The following AP2M1 variants were observed in gnomAD, a reference collection of about 807,000 sequenced individuals.
The protein encoded by AP2M1 is adaptor related protein complex 2 subunit mu 1.
In AP2M1, 5 loss-of-function variants were observed where a neutral mutation model predicts 54.5. The ratio of observed to expected loss-of-function variants is 0.09; its 90% CI spans 0.05 to 0.19. The LOEUF is 0.19. Among genes scored for constraint, AP2M1 ranks in the 10% least tolerant of loss-of-function variants. AP2M1 has a pLI of 1.00. For missense variants in AP2M1, 178 were observed against 580.2 expected, an observed-to-expected ratio of 0.31 and a Z score of 7.12; for synonymous variants, 186 against 208.2, an observed-to-expected ratio of 0.89 and a Z score of 0.92.
chr3:184,176,846 TAA>T (rs1715089376), intron 1 of AP2M1, 103 bp from the exon 2 acceptor site: 2 of 736,846 alleles, frequency 2.7e-6, no homozygotes, highest in Non-Finnish European at 4.2e-6. Flanking sequence ...GGTCACTTAC[TAA>T]AGGGTTGAGT....
At position 184,180,551 on chromosome 3, in the gene AP2M1, C is replaced by T; in HGVS notation, c.424-94C>T. On this transcript the variant is annotated intron_variant, in intron 4 of 11. Coordinates refer to ENST00000292807, the MANE Select transcript of AP2M1 (RefSeq NM_004068.4). The surrounding 1 kb of genome is among the most constrained non-coding windows in gnomAD (Gnocchi z 4.9). ...TCCTCAGGAGGAGCGAGCTTGGGCCCTCTCCTCTAGGATCCAAGCCTCATA... is the reference window on the plus strand; with the variant it reads ...TCCTCAGGAGGAGCGAGCTTGGGCCTTCTCCTCTAGGATCCAAGCCTCATA... 1 of 1,597,496 alleles carries T rather than the reference C, an allele frequency of 6.3e-7. No individual in the cohort carries two copies.
Position 184,181,512 on chromosome 3 carries a change from C to A in AP2M1, c.708-184C>A. 1.1e-6 allele frequency: 1 copy of A among 896,678 alleles called. No individual in the cohort carries two copies. The allele number at this position is 896,678 out of a possible 1,614,324, so 55.5% of individuals were successfully genotyped here. ...ACACCCAGGTCCCTAGCAGAAGGAGCCCCAAGAGATGAGCTTGCAAGGCTT... is the reference window on the plus strand; with the variant it reads ...ACACCCAGGTCCCTAGCAGAAGGAGACCCAAGAGATGAGCTTGCAAGGCTT... On this transcript the variant is annotated intron_variant, in intron 7 of 11. Transcript: ENST00000292807. This position sits in a 1 kb window ranked among gnomAD's most constrained non-coding sequence, Gnocchi z 5.7.
rs765534648 is a variant in AP2M1 at position 184,182,104 on chromosome 3, T to C, written c.964-47T>C. 3 of 1,611,664 alleles carry C rather than the reference T, an allele frequency of 1.9e-6. No homozygotes were observed. Among genetic ancestry groups the C allele is most frequent in the East Asian group, 2.2e-5 (1 of 44,790 alleles). On this transcript the variant is annotated intron_variant, in intron 9 of 11. Transcript: ENST00000292807. This position sits in a 1 kb window ranked among gnomAD's most constrained non-coding sequence, Gnocchi z 5.5. ...ACTTGTCCCTAGGAATAAAGGTAGC[T>C]GATGTCACAGCTTGACAGAGCTCCC...
At position 184,181,588 on chromosome 3, in the gene AP2M1, C is replaced by A; in HGVS notation, c.708-108C>A. The stretch of plus-strand genomic sequence containing the variant: ...GACCTCCGAGTCACAAAGCTGCATT[C>A]TAGCAGCTTTTCATAGTCTCTGGTG... On this transcript the variant is annotated intron_variant, in intron 7 of 11. Coordinates refer to ENST00000292807, the MANE Select transcript of AP2M1 (RefSeq NM_004068.4). The surrounding 1 kb of genome is among the most constrained non-coding windows in gnomAD (Gnocchi z 5.7). 6.9e-7 allele frequency: 1 copy of A among 1,441,894 alleles called. No homozygotes were observed. The allele number at this position is 1,441,894 out of a possible 1,614,324, so 89.3% of individuals were successfully genotyped here. A position where few individuals can be genotyped will look rare whatever the true frequency, so the allele number is the denominator to read the frequency against.
Position 184,180,742 on chromosome 3 carries a change from G to A in AP2M1, c.429+92G>A, listed in dbSNP as rs1049690724. 6.2e-7 allele frequency: 1 copy of A among 1,614,168 alleles called. No individual in the cohort carries two copies. The highest frequency in any genetic ancestry group is 8.5e-7 in the Non-Finnish European group (1 of 1,179,990). ...GCTTATAGGGGAAAATGGATTACAG[G>A]TGGGGACTAGAAGGGATGGGGAATG... On this transcript the variant is annotated intron_variant, in intron 5 of 11. Coordinates refer to ENST00000292807, the MANE Select transcript of AP2M1 (RefSeq NM_004068.4). The surrounding 1 kb of genome is among the most constrained non-coding windows in gnomAD (Gnocchi z 4.9).
At position 184,178,105 on chromosome 3, in the gene AP2M1, C is replaced by T. The variant is rs115346053; in HGVS notation, c.75-752C>T. The T allele has an allele frequency of 9.5e-4, 1,251 of 1,313,014 alleles. 1 individual carries two copies. Among genetic ancestry groups the T allele is most frequent in the Non-Finnish European group, 1.1e-3 (1,045 of 944,616 alleles). The allele number at this position is 1,313,014 out of a possible 1,614,324, so 81.3% of individuals were successfully genotyped here. On this transcript the variant is annotated intron_variant, in intron 2 of 11. Transcript: ENST00000292807. This position sits in a 1 kb window ranked among gnomAD's most constrained non-coding sequence, Gnocchi z 4.9. ...GCCTGTCTTGTCTGCTTCTGCCTCACGGTGTGTGCCGCCCTCCCGGTGTGT... is the reference window on the plus strand; with the variant it reads ...GCCTGTCTTGTCTGCTTCTGCCTCATGGTGTGTGCCGCCCTCCCGGTGTGT...
rs527296174 is a variant in AP2M1, at chr3:184,180,013, C to T, written c.341-156C>T. On this transcript the variant is annotated intron_variant, in intron 3 of 11. Transcript: ENST00000292807. The surrounding 1 kb of genome is among the most constrained non-coding windows in gnomAD (Gnocchi z 4.9). Reference sequence around the variant, plus strand: ...ACATTTGAATTGTTTTCCTGTAAAGCACAAATCACAGAATAAATGCTACAA... The same window carrying T: ...ACATTTGAATTGTTTTCCTGTAAAGTACAAATCACAGAATAAATGCTACAA... 2.9e-6 allele frequency: 2 copies of T among 685,754 alleles called. No individual in the cohort carries two copies. Among genetic ancestry groups the T allele is most frequent in the Non-Finnish European group, 5.0e-6 (2 of 403,550 alleles). 42.5% of individuals were successfully genotyped at this position (685,754 alleles called of 1,614,324 possible).
At position 184,181,371 on chromosome 3, in the gene AP2M1, A is replaced by C; in HGVS notation, c.707+145A>C. ...CGGTAAGCCTGGCTGTTCGCTCTTGACATTAGTGCTACGAGAGATGAGGGG... is the reference window on the plus strand; with the variant it reads ...CGGTAAGCCTGGCTGTTCGCTCTTGCCATTAGTGCTACGAGAGATGAGGGG... On this transcript the variant is annotated intron_variant, in intron 7 of 11. Coordinates refer to ENST00000292807, the MANE Select transcript of AP2M1 (RefSeq NM_004068.4). The surrounding 1 kb of genome is among the most constrained non-coding windows in gnomAD (Gnocchi z 5.7). 1 of 1,258,110 alleles carries C rather than the reference A, an allele frequency of 7.9e-7. No homozygotes were observed. The highest frequency in any genetic ancestry group is 1.1e-6 in the Non-Finnish European group (1 of 897,642). 77.9% of individuals were successfully genotyped at this position (1,258,110 alleles called of 1,614,324 possible).
Position 184,181,302 on chromosome 3 carries a change from C to T in AP2M1, c.707+76C>T. ...GTGGGGTCTAGTGAACCACAAGTTT[C>T]TTCTGGATTTCATTCCCACTGTAAT... On this transcript the variant is annotated intron_variant, in intron 7 of 11. Coordinates refer to ENST00000292807, the MANE Select transcript of AP2M1 (RefSeq NM_004068.4). The surrounding 1 kb of genome is among the most constrained non-coding windows in gnomAD (Gnocchi z 5.7). The T allele has an allele frequency of 6.3e-7, 1 of 1,587,578 alleles. No individual in the cohort carries two copies. The highest frequency in any genetic ancestry group is 8.6e-7 in the Non-Finnish European group (1 of 1,163,962).
chr3:184,180,698 C>T lies in AP2M1; in HGVS notation c.429+48C>T. ...ACCCTTGCAGCTTTGCTTTGTTTCT[C>T]CAGGCCCTGCCCTTTGGGGCTTATA... On this transcript the variant is annotated intron_variant, in intron 5 of 11. Coordinates refer to ENST00000292807, the MANE Select transcript of AP2M1 (RefSeq NM_004068.4). This position sits in a 1 kb window ranked among gnomAD's most constrained non-coding sequence, Gnocchi z 4.9. 1 of 1,614,258 alleles carries T rather than the reference C, an allele frequency of 6.2e-7. No individual in the cohort carries two copies.
In AP2M1 at chr3:184,181,670, G is replaced by C; in HGVS notation, c.708-26G>C. ...ACAGCTGTCATTCTCCTGTACCAAT[G>C]AGACCTCTTCTGCCCCTGCTTGCAG... On this transcript the variant is annotated intron_variant, in intron 7 of 11. Coordinates refer to ENST00000292807, the MANE Select transcript of AP2M1 (RefSeq NM_004068.4). This position sits in a 1 kb window ranked among gnomAD's most constrained non-coding sequence, Gnocchi z 5.7. 1 of 1,612,996 alleles carries C rather than the reference G, an allele frequency of 6.2e-7. No homozygotes were observed. The highest frequency in any genetic ancestry group is 8.5e-7 in the Non-Finnish European group (1 of 1,179,750).
In AP2M1 at chr3:184,179,109, T is replaced by C; in HGVS notation, c.327T>C (p.Tyr109=). 5 of 1,611,866 alleles carry C rather than the reference T, an allele frequency of 3.1e-6. No homozygotes were observed. Among genetic ancestry groups the C allele is most frequent in the Non-Finnish European group, 4.2e-6 (5 of 1,178,100 alleles). ...TCAAGAACAATTTTGTGCTCATATA[T>C]GAGCTGCTGGATGGTGAGGCTGGCG... is the stretch of plus-strand genomic sequence containing the variant. ...ENIKNNFVLI[Y]ELLDEILDFG... Residue 109 remains tyrosine (Y), a synonymous_variant, in exon 3 of 12, where the codon TAT becomes TAC. Coordinates refer to ENST00000292807, the MANE Select transcript of AP2M1 (RefSeq NM_004068.4).
rs1158292952 is a variant in AP2M1, at chr3:184,182,668, TC to T, written c.1062-87del. ...CCTTGTTCTGGCACCTCCTGCAAGC[TC>T]CTGGGCTCTCTCCTTGCTTGAAATG... On this transcript the variant is annotated intron_variant, in intron 10 of 11. Coordinates refer to ENST00000292807, the MANE Select transcript of AP2M1 (RefSeq NM_004068.4). This position sits in a 1 kb window ranked among gnomAD's most constrained non-coding sequence, Gnocchi z 5.5. 2 of 1,130,636 alleles carry T rather than the reference TC, an allele frequency of 1.8e-6. No individual in the cohort carries two copies. The highest frequency in any genetic ancestry group is 3.1e-5 in the African/African-American group (2 of 64,960). The allele number at this position is 1,130,636 out of a possible 1,614,324, so 70.0% of individuals were successfully genotyped here. A position where few individuals can be genotyped will look rare whatever the true frequency, so the allele number is the denominator to read the frequency against.
In AP2M1 at chr3:184,180,852, AAAG is replaced by A; in HGVS notation, c.438_440del (p.Glu147del). The A allele has an allele frequency of 6.2e-7, 1 of 1,614,242 alleles. No homozygotes were observed. The highest frequency in any genetic ancestry group is 1.1e-5 in the South Asian group (1 of 91,082). ...GTTTGTTTCTGCCCTCATGTAGACA[AAAG>A]AAGAGCAGTCACAGATCACCAGCCA... On this transcript the variant is annotated inframe_deletion, in exon 6 of 12. Transcript: ENST00000292807. This position sits in a 1 kb window ranked among gnomAD's most constrained non-coding sequence, Gnocchi z 4.9.
At position 184,180,785 on chromosome 3, in the gene AP2M1, G is replaced by A. The variant is rs2109030940; in HGVS notation, c.430-64G>A. 3 of 1,614,222 alleles carry A rather than the reference G, an allele frequency of 1.9e-6. No individual in the cohort carries two copies. Among genetic ancestry groups the A allele is most frequent in the South Asian group, 2.2e-5 (2 of 91,086 alleles). On this transcript the variant is annotated intron_variant, in intron 5 of 11. Coordinates refer to ENST00000292807, the MANE Select transcript of AP2M1 (RefSeq NM_004068.4). This position sits in a 1 kb window ranked among gnomAD's most constrained non-coding sequence, Gnocchi z 4.9. Reference sequence around the variant, plus strand: ...GGGGAATGAGGGTGGAGTGGGGATAGAGACAGGATGATTAAAGGGACAGAG... The same window carrying A: ...GGGGAATGAGGGTGGAGTGGGGATAAAGACAGGATGATTAAAGGGACAGAG...
At chr3:184,177,857 C>A in intron 2 of AP2M1, 1 of 593,614 alleles carries the variant, frequency 1.7e-6, no homozygotes, top group South Asian at 2.1e-5. Context: ...GAGATAAAGT[C>A]ACAGAATGGG....
intron 1 of AP2M1, 50 bp from the exon 2 acceptor site, chr3:184,176,901 G>A: frequency 7.5e-7 from 1 of 1,334,142 alleles, no homozygotes. Flanking sequence ...CACAGGGGAT[G>A]TTGGCAGCGA....
Position 184,174,931 on chromosome 3 carries a change from C to T in AP2M1, c.-72C>T, listed in dbSNP as rs1004331300. On this transcript the variant is annotated 5_prime_UTR_variant, in exon 1 of 12. Coordinates refer to ENST00000292807, the MANE Select transcript of AP2M1 (RefSeq NM_004068.4). ...TCTTGGGATCCGGAGAGTGGCCGGG[C>T]CGGCAGAGCAGGGGGCCGAGGACAC... 56 of 398,418 alleles carry T rather than the reference C, an allele frequency of 1.4e-4. No individual in the cohort carries two copies. The highest frequency in any genetic ancestry group is 3.1e-5 in the Non-Finnish European group (7 of 226,014). 24.7% of individuals were successfully genotyped at this position (398,418 alleles called of 1,614,324 possible). A position where few individuals can be genotyped will look rare whatever the true frequency, so the allele number is the denominator to read the frequency against.
intron 2 of AP2M1, chr3:184,177,843 G>A (rs1201529148): frequency 1.7e-6 from 1 of 594,756 alleles, no homozygotes; most frequent in Non-Finnish European, 3.0e-6. Flanking sequence ...TCCTCAGAGA[G>A]CTTGAGATAA....
Sources: allele counts gnomAD v4.1 joint callset, GRCh38; gene constraint gnomAD v4.1.1; non-coding constraint Gnocchi (gnomAD v3.1); transcripts MANE v1.5; gene names NCBI Gene and HGNC (gene_info 2026-07-23, HGNC 2026-07-21).